The following LOC400499 variants were observed in gnomAD, a reference collection of about 807,000 sequenced individuals.
the LOC400499 span, chr16:11,514,334 G>A: frequency 1.8e-5 from 7 of 399,090 alleles, no homozygotes; most frequent in Non-Finnish European, 2.7e-5. Context: ...GCCAGGGGGT[G>A]GCCACCAGGG....
the LOC400499 span, among the ~76,000 whole-genome samples, chr16:11,470,911 C>T: frequency 3.3e-4 from 50 of 152,128 alleles, no homozygotes; most frequent in African/African-American, 1.1e-3. Context: ...GCAGGGGAAA[C>T]GCCCAGTGCA....
the LOC400499 span, among the ~76,000 whole-genome samples, chr16:11,389,368 T>A: frequency 7.2e-5 from 11 of 151,968 alleles, no homozygotes; most frequent in Admixed American, 7.2e-4. Context: ...GTAAGAAGGG[T>A]TTTTGTGTGT....
the LOC400499 span, among the ~76,000 whole-genome samples, chr16:11,517,036 G>C: frequency 2.0e-5 from 3 of 152,140 alleles, no homozygotes; most frequent in African/African-American, 7.2e-5. Flanking sequence ...TCTGCCTAAA[G>C]ACAGATCCTC....
At chr16:11,384,888 C>T in the LOC400499 span, 19 of 1,232,148 alleles carry the variant, frequency 1.5e-5, no homozygotes, top group East Asian at 3.2e-5. Flanking sequence ...CCAGACCCAC[C>T]GTGCTGCCAG....
chr16:11,462,074 C>A, the LOC400499 span: 1 of 1,417,540 alleles, frequency 7.1e-7, no homozygotes, highest in Non-Finnish European at 9.2e-7. Context: ...ACACCCTAAC[C>A]TGGCCACAGA....
chr16:11,483,826 G>T, the LOC400499 span, among the ~76,000 whole-genome samples: 1 of 151,716 alleles, frequency 6.6e-6, no homozygotes, highest in Non-Finnish European at 1.5e-5. Context: ...AATGAGCCAA[G>T]ATCATGCCAC....
the LOC400499 span, among the ~76,000 whole-genome samples, chr16:11,486,012 T>C: frequency 1.3e-5 from 2 of 151,826 alleles, no homozygotes; most frequent in South Asian, 2.1e-4. Flanking sequence ...AATGGATGGA[T>C]GGGTGGGTGG....
At chr16:11,477,945 TG>T in the LOC400499 span, 12 of 398,682 alleles carry the variant, frequency 3.0e-5, no homozygotes, top group African/African-American at 2.1e-4. Context: ...CCAGACACGG[TG>T]GGAAAGACCA....
At chr16:11,433,531 T>A in the LOC400499 span, among the ~76,000 whole-genome samples, 7 of 152,190 alleles carry the variant, frequency 4.6e-5, no homozygotes, top group African/African-American at 1.7e-4. Context: ...GACACAGAGC[T>A]CCTAATCCCT....
the LOC400499 span, among the ~76,000 whole-genome samples, chr16:11,376,566 G>A: frequency 3.3e-5 from 5 of 152,156 alleles, no homozygotes; most frequent in East Asian, 1.9e-4. Context: ...ATGTCTTTAC[G>A]CCAGTACCAC....
At chr16:11,400,324 T>TAA in the LOC400499 span, among the ~76,000 whole-genome samples, 1 of 152,056 alleles carries the variant, frequency 6.6e-6, no homozygotes. Context: ...CTCCAGCTTC[T>TAA]CTCAAGCCCG....
the LOC400499 span, chr16:11,470,699 A>C: frequency 5.2e-5 from 8 of 152,522 alleles, no homozygotes; most frequent in Admixed American, 3.9e-4. Context: ...GAGAGGAGGC[A>C]CAGGAACACC....
the LOC400499 span, among the ~76,000 whole-genome samples, chr16:11,451,917 G>A: frequency 3.3e-5 from 5 of 152,124 alleles, no homozygotes; most frequent in Admixed American, 6.5e-5. Context: ...CCCTTCCCAC[G>A]GGAAGCGGGA....
At chr16:11,450,587 T>A in the LOC400499 span, 43 of 1,534,460 alleles carry the variant, frequency 2.8e-5, no homozygotes, top group Non-Finnish European at 3.7e-5. Flanking sequence ...CAGACATATA[T>A]CGGGGGCCGA....
chr16:11,422,143 G>A, the LOC400499 span, among the ~76,000 whole-genome samples: 3 of 152,226 alleles, frequency 2.0e-5, no homozygotes, highest in East Asian at 3.8e-4. Context: ...GCCCATGCCT[G>A]TAATCCCAGC....
chr16:11,435,163 G>C, the LOC400499 span, among the ~76,000 whole-genome samples: 1 of 151,772 alleles, frequency 6.6e-6, no homozygotes, highest in Non-Finnish European at 1.5e-5. Context: ...AAAATTTTCT[G>C]TACAGATGGG....
the LOC400499 span, among the ~76,000 whole-genome samples, chr16:11,492,784 C>CA: frequency 0.18 from 24,742 of 140,168 alleles, 2,201 homozygotes; most frequent in Non-Finnish European, 0.19. Flanking sequence ...GACTCCGTCT[C>CA]AAAAAAAAAA....
At chr16:11,417,644 G>C in the LOC400499 span, 2 of 399,054 alleles carry the variant, frequency 5.0e-6, no homozygotes, top group Non-Finnish European at 8.8e-6. Flanking sequence ...TGTATCTGCA[G>C]CTCAGCACTA....
the LOC400499 span, among the ~76,000 whole-genome samples, chr16:11,483,279 T>C: frequency 1.3e-5 from 2 of 152,180 alleles, no homozygotes; most frequent in African/African-American, 4.8e-5. Context: ...AACATATACC[T>C]ACCATATGAT....
Sources: gnomAD v4.1 joint callset for allele counts (sites outside exome capture counted in the v4.1 genomes callset) on GRCh38, gnomAD v4.1.1 for gene constraint, MANE v1.5 for transcripts.